Variants in DLGAP1 observed in about 807,000 individuals in gnomAD.
DLGAP1 encodes the protein disks large-associated protein 1.
In DLGAP1, 11 loss-of-function variants were observed where a neutral mutation model predicts 90.8. That is an observed-to-expected ratio of 0.12 (90% CI 0.08 to 0.20). The LOEUF is 0.20. DLGAP1 is among the 10% of genes least tolerant of loss of function. DLGAP1 has a pLI of 1.00. For synonymous variants in DLGAP1, 558 were observed against 540.7 expected, an observed-to-expected ratio of 1.03 and a Z score of -0.44; for missense variants, 1,050 against 1,333.8, an observed-to-expected ratio of 0.79 and a Z score of 3.31.
At chr18:3,555,418 G>A (rs1226967867) in intron 9 of DLGAP1, among the ~76,000 whole-genome samples, 2 of 149,282 alleles carry the variant, frequency 1.3e-5, no homozygotes, top group African/African-American at 5.1e-5. Flanking sequence ...TTCAAATAAA[G>A]TTCAACTTTA....
chr18:4,247,650 G>A (rs980675831), intron 1 of DLGAP1, among the ~76,000 whole-genome samples: 18 of 151,974 alleles, frequency 1.2e-4, no homozygotes, highest in African/African-American at 2.7e-4. Flanking sequence ...GGTGGCAGGC[G>A]CCTGTAATCC....
chr18:4,261,717 A>G (rs1254096911), intron 1 of DLGAP1, among the ~76,000 whole-genome samples: 1 of 152,158 alleles, frequency 6.6e-6, no homozygotes, highest in Non-Finnish European at 1.5e-5. Flanking sequence ...CAGAGATTCT[A>G]TCTGATAGTG....
At chr18:4,300,298 T>A (rs1009703667) in intron 1 of DLGAP1, among the ~76,000 whole-genome samples, 1 of 152,178 alleles carries the variant, frequency 6.6e-6, no homozygotes, top group Admixed American at 6.5e-5. Flanking sequence ...TTCCTGCCAC[T>A]TATAAATTAT....
intron 7 of DLGAP1, among the ~76,000 whole-genome samples, chr18:3,583,170 C>G (rs143442458): frequency 2.0e-5 from 2 of 100,230 alleles, no homozygotes; most frequent in Non-Finnish European, 4.6e-5. Flanking sequence ...ACCTACCTAC[C>G]TACCTACCTA....
intron 1 of DLGAP1, among the ~76,000 whole-genome samples, chr18:4,161,151 T>C (rs2076837603): frequency 6.6e-6 from 1 of 152,006 alleles, no homozygotes; most frequent in African/African-American, 2.4e-5. Context: ...ACATGTGCCA[T>C]GGTGCTTTGC....
At chr18:4,142,605 A>T (rs2076513332) in intron 2 of DLGAP1, among the ~76,000 whole-genome samples, 2 of 152,254 alleles carry the variant, frequency 1.3e-5, no homozygotes, top group Non-Finnish European at 2.9e-5. Context: ...TATTTCTGAC[A>T]TAAAAAGTAT....
At chr18:3,955,091 A>G (rs1435269979) in intron 3 of DLGAP1, among the ~76,000 whole-genome samples, 1 of 152,122 alleles carries the variant, frequency 6.6e-6, no homozygotes, top group Non-Finnish European at 1.5e-5. Context: ...GAACATCAGA[A>G]AAGATTAGAG....
At chr18:3,971,169 A>G (rs1012053359) in intron 3 of DLGAP1, among the ~76,000 whole-genome samples, 3 of 152,214 alleles carry the variant, frequency 2.0e-5, no homozygotes, top group African/African-American at 7.2e-5. Flanking sequence ...TTCAGTCTGT[A>G]GCATTGACCT....
intron 1 of DLGAP1, among the ~76,000 whole-genome samples, chr18:4,449,471 G>A (rs1358601077): frequency 1.3e-5 from 2 of 152,174 alleles, no homozygotes; most frequent in East Asian, 3.9e-4. Flanking sequence ...GCAAAGAAGT[G>A]CCATGCAAAA....
intron 1 of DLGAP1, among the ~76,000 whole-genome samples, chr18:4,214,255 C>A (rs1455267211): frequency 2.6e-5 from 4 of 151,434 alleles, no homozygotes; most frequent in African/African-American, 7.3e-5. Context: ...GAGATGGGAA[C>A]CGGAGTCGTG....
intron 1 of DLGAP1, among the ~76,000 whole-genome samples, chr18:4,356,719 G>A (rs1356302691): frequency 1.3e-5 from 2 of 152,066 alleles, no homozygotes; most frequent in Non-Finnish European, 2.9e-5. Context: ...TGCCTGTTCC[G>A]TGCAGTAAAC....
At chr18:3,718,872 G>C (rs2061858652) in intron 7 of DLGAP1, among the ~76,000 whole-genome samples, 1 of 148,228 alleles carries the variant, frequency 6.7e-6, no homozygotes, top group African/African-American at 2.5e-5. Context: ...GTTGCAGTGA[G>C]CCGAGATTGC....
At chr18:4,448,732 A>C (rs1476587373) in intron 1 of DLGAP1, among the ~76,000 whole-genome samples, 2 of 152,126 alleles carry the variant, frequency 1.3e-5, no homozygotes, top group Non-Finnish European at 2.9e-5. Context: ...AATACACTAC[A>C]TGTCTGGCCA....
chr18:4,358,881 C>T (rs879766185), intron 1 of DLGAP1, among the ~76,000 whole-genome samples: 4 of 152,372 alleles, frequency 2.6e-5, no homozygotes, highest in Admixed American at 2.6e-4. Context: ...CTGGCACTCA[C>T]TCTGCCACAT....
chr18:3,677,081 T>C (rs955361994), intron 7 of DLGAP1, among the ~76,000 whole-genome samples: 16 of 152,206 alleles, frequency 1.1e-4, no homozygotes, highest in Non-Finnish European at 8.8e-5. Flanking sequence ...GCCCGTTTCA[T>C]TGGGCTTTCT....
intron 7 of DLGAP1, among the ~76,000 whole-genome samples, chr18:3,602,457 T>C: frequency 6.6e-6 from 1 of 151,434 alleles, no homozygotes; most frequent in Non-Finnish European, 1.5e-5. Context: ...TAGCCGGGCG[T>C]GGTGGCGGGC....
intron 1 of DLGAP1, among the ~76,000 whole-genome samples, chr18:4,408,593 G>A (rs1406189106): frequency 6.6e-6 from 1 of 151,636 alleles, no homozygotes; most frequent in East Asian, 1.9e-4. Flanking sequence ...GACAGCAAAA[G>A]GTTTATAGTT....
chr18:4,210,935 T>C (rs2077827770), intron 1 of DLGAP1, among the ~76,000 whole-genome samples: 1 of 152,194 alleles, frequency 6.6e-6, no homozygotes, highest in Non-Finnish European at 1.5e-5. Context: ...GGACTAAAAT[T>C]CCTGTCTCCT....
At chr18:4,346,369 A>G (rs1369845945) in intron 1 of DLGAP1, among the ~76,000 whole-genome samples, 1 of 152,200 alleles carries the variant, frequency 6.6e-6, no homozygotes, top group Non-Finnish European at 1.5e-5. Flanking sequence ...ACTGTGAAAA[A>G]AAGAAATAAG....
Sources: allele counts gnomAD v4.1 joint callset (sites outside exome capture counted in the v4.1 genomes callset), GRCh38; gene constraint gnomAD v4.1.1; transcripts MANE v1.5; gene names NCBI Gene and HGNC (gene_info 2026-07-23, HGNC 2026-07-21).